Variants in MMP16 observed in about 807,000 individuals in gnomAD.
MMP16 encodes matrix metalloproteinase-16.
In MMP16, 12 loss-of-function variants were observed where a neutral mutation model predicts 67.8. The ratio of observed to expected loss-of-function variants is 0.18; its 90% CI spans 0.11 to 0.29. The LOEUF (loss-of-function observed/expected upper bound fraction) is 0.29. Ranked by LOEUF, MMP16 falls within the 10% of genes least tolerant of loss-of-function variation. MMP16 has a pLI of 1.00. For missense variants in MMP16, 475 were observed against 765.7 expected (o/e 0.62, Z 4.48); for synonymous variants, 249 against 255.9 (o/e 0.97, Z 0.26).
intron 1 of MMP16, among the ~76,000 whole-genome samples, chr8:88,301,870 A>G (rs1332787804): frequency 6.6e-6 from 1 of 152,246 alleles, no homozygotes; most frequent in African/African-American, 2.4e-5. Context: ...CAACATTCAA[A>G]TGGCTAAAAC....
chr8:88,193,906 T>C (rs540088643), intron 2 of MMP16, among the ~76,000 whole-genome samples: 20 of 151,986 alleles, frequency 1.3e-4, no homozygotes, highest in African/African-American at 4.1e-4. Context: ...AAAATATATA[T>C]ATTTTATGTA....
At chr8:88,301,222 C>T (rs1445773179) in intron 1 of MMP16, among the ~76,000 whole-genome samples, 1 of 152,104 alleles carries the variant, frequency 6.6e-6, no homozygotes, top group Non-Finnish European at 1.5e-5. Flanking sequence ...TGATAACATG[C>T]CGGGGGGAAA....
intron 2 of MMP16, among the ~76,000 whole-genome samples, chr8:88,194,791 T>C (rs987623045): frequency 6.6e-6 from 1 of 151,862 alleles, no homozygotes; most frequent in African/African-American, 2.4e-5. Context: ...CACTACCAAT[T>C]CCTAAAAAGA....
chr8:88,312,214 T>C (rs1244546134), intron 1 of MMP16, among the ~76,000 whole-genome samples: 1 of 152,198 alleles, frequency 6.6e-6, no homozygotes, highest in Non-Finnish European at 1.5e-5. Context: ...CATACGGGTA[T>C]TTTAAGCCAT....
At chr8:88,307,513 T>A (rs907134294) in intron 1 of MMP16, among the ~76,000 whole-genome samples, 4 of 152,056 alleles carry the variant, frequency 2.6e-5, no homozygotes, top group Non-Finnish European at 5.9e-5. Context: ...TCATGCTATG[T>A]CCTCACCATC....
intron 1 of MMP16, among the ~76,000 whole-genome samples, chr8:88,251,233 A>C (rs370877147): frequency 0.13 from 19,569 of 150,808 alleles, 2,684 homozygotes; most frequent in African/African-American, 0.35. Flanking sequence ...CACTACCTGA[A>C]TTCAAACTAT....
intron 1 of MMP16, among the ~76,000 whole-genome samples, chr8:88,289,287 G>A (rs1300649729): frequency 6.6e-6 from 1 of 152,068 alleles, no homozygotes; most frequent in African/African-American, 2.4e-5. Context: ...AGACATTTTT[G>A]TTATCATCTT....
At chr8:88,069,400 AGG>A (rs1808513773) in intron 7 of MMP16, 1 of 505,398 alleles carries the variant, frequency 2.0e-6, no homozygotes, top group Non-Finnish European at 4.0e-6. Flanking sequence ...AATTCTTCAT[AGG>A]TCTTGTGCTT....
At chr8:88,050,739 T>A (rs1808259586) in intron 8 of MMP16, among the ~76,000 whole-genome samples, 2 of 152,204 alleles carry the variant, frequency 1.3e-5, no homozygotes, top group Admixed American at 1.3e-4. Flanking sequence ...TGCCTGTGGT[T>A]CTTATTCTCT....
intron 3 of MMP16, among the ~76,000 whole-genome samples, chr8:88,180,056 C>A (rs909027636): frequency 6.6e-6 from 1 of 151,988 alleles, no homozygotes; most frequent in African/African-American, 2.4e-5. Flanking sequence ...CCGAGGCAGG[C>A]GGATCACCTG....
chr8:88,144,549 T>C (rs1808261209), intron 4 of MMP16, among the ~76,000 whole-genome samples: 1 of 151,818 alleles, frequency 6.6e-6, no homozygotes, highest in Non-Finnish European at 1.5e-5. Flanking sequence ...TTTTATCTAA[T>C]TTTAGCAAAT....
rs551343517 is a variant in MMP16, at chr8:88,046,308, C to T, written c.1489+361G>A. On this transcript the variant is annotated intron_variant, in intron 9 of 9. Coordinates refer to ENST00000286614, the MANE Select transcript of MMP16 (RefSeq NM_005941.5). The stretch of plus-strand genomic sequence containing the variant: ...TGCATTATTACCAGATATAATACCT[C>T]GAGTGGCACCTCTATCTTCCTTGTG... 5.9e-5 allele frequency among the ~76,000 whole-genome samples: 9 copies of T among 152,242 alleles called. No homozygotes were observed. The East Asian group carries it at 1.4e-3, about 23-fold the overall frequency.
At chr8:88,122,732 C>T (rs1321091323) in intron 4 of MMP16, among the ~76,000 whole-genome samples, 1 of 151,474 alleles carries the variant, frequency 6.6e-6, no homozygotes, top group Non-Finnish European at 1.5e-5. Flanking sequence ...ATGTGGGAGC[C>T]AGCCTCCGAG....
intron 1 of MMP16, among the ~76,000 whole-genome samples, chr8:88,309,457 A>G (rs1000956090): frequency 2.0e-5 from 3 of 151,698 alleles, no homozygotes; most frequent in African/African-American, 7.3e-5. Context: ...GAGGGGGGGA[A>G]CTGTGTGTGT....
At chr8:88,285,225 C>T (rs999548488) in intron 1 of MMP16, among the ~76,000 whole-genome samples, 4 of 152,082 alleles carry the variant, frequency 2.6e-5, no homozygotes, top group Middle Eastern at 3.2e-3. Flanking sequence ...CTGCAACCTC[C>T]GCCCTCTGGG....
chr8:88,148,238 G>C (rs941437427), intron 4 of MMP16, among the ~76,000 whole-genome samples: 4 of 151,926 alleles, frequency 2.6e-5, no homozygotes, highest in Admixed American at 6.6e-5. Context: ...CCTTTTTAAA[G>C]ACATCCTGCA....
intron 1 of MMP16, among the ~76,000 whole-genome samples, chr8:88,253,845 AT>A (rs1033171947): frequency 6.7e-5 from 10 of 149,036 alleles, no homozygotes; most frequent in African/African-American, 7.3e-5. Context: ...TTTTCTTCTA[AT>A]TTTTTTTTTG....
chr8:88,268,433 C>A (rs930899662), intron 1 of MMP16, among the ~76,000 whole-genome samples: 12 of 152,148 alleles, frequency 7.9e-5, no homozygotes, highest in Non-Finnish European at 1.5e-4. Flanking sequence ...TGATGCCAGG[C>A]ACAAAGAAGA....
At chr8:88,237,361 G>C (rs1809957983) in intron 1 of MMP16, among the ~76,000 whole-genome samples, 1 of 152,172 alleles carries the variant, frequency 6.6e-6, no homozygotes, top group Admixed American at 6.5e-5. Context: ...TTTCAAAACT[G>C]CATCTTGGCC....
Sources: gnomAD v4.1 joint callset for allele counts (sites outside exome capture counted in the v4.1 genomes callset) on GRCh38, gnomAD v4.1.1 for gene constraint, MANE v1.5 for transcripts, NCBI Gene and HGNC (gene_info 2026-07-23, HGNC 2026-07-21) for gene names.